TENM2: variants seen among roughly 807,000 people sequenced by gnomAD.
TENM2 encodes the protein teneurin transmembrane protein 2.
In TENM2, 52 loss-of-function variants were observed where a neutral mutation model predicts 245.2. That is an observed-to-expected ratio of 0.21 (90% CI 0.17 to 0.27). The LOEUF (loss-of-function observed/expected upper bound fraction) is 0.27, where lower values mean the gene tolerates loss of function less well. Among genes scored for constraint, TENM2 ranks in the 10% least tolerant of loss-of-function variants. TENM2 has a pLI of 1.00. For synonymous variants in TENM2, 1,363 were observed against 1,438.9 expected (o/e 0.95, Z 1.19); for missense variants, 3,046 against 3,666.8 (o/e 0.83, Z 4.37).
chr5:167,993,091 G>C (rs1334305930), exon 5 of TENM2: 14 of 1,613,936 alleles, frequency 8.7e-6, no homozygotes, highest in Non-Finnish European at 1.2e-5. Context: ...TCAAGCTGAA[G>C]AAGCCCTCCA....
the TENM2 span, among the ~76,000 whole-genome samples, chr5:167,124,352 GT>G: frequency 6.6e-6 from 1 of 152,024 alleles, no homozygotes; most frequent in Non-Finnish European, 1.5e-5. Context: ...TGTTGGTGTT[GT>G]TTTATTTTAT....
the TENM2 span, among the ~76,000 whole-genome samples, chr5:167,189,926 T>C: frequency 6.6e-6 from 1 of 152,156 alleles, no homozygotes; most frequent in East Asian, 1.9e-4. Context: ...TTAGAATTTA[T>C]TGAGGCATAA....
intron 1 of TENM2, among the ~76,000 whole-genome samples, chr5:167,333,491 C>T (rs964518764): frequency 2.6e-5 from 4 of 152,134 alleles, no homozygotes; most frequent in African/African-American, 9.7e-5. Context: ...ATTACCTGAT[C>T]AGTGAGCCAT....
intron 2 of TENM2, among the ~76,000 whole-genome samples, chr5:167,509,698 ACC>A (rs1769798319): frequency 6.6e-6 from 1 of 152,198 alleles, no homozygotes. Flanking sequence ...CTGAGCACTT[ACC>A]ATGTGCCAGG....
At chr5:167,263,604 C>T in the TENM2 span, among the ~76,000 whole-genome samples, 1 of 152,092 alleles carries the variant, frequency 6.6e-6, no homozygotes, top group African/African-American at 2.4e-5. Flanking sequence ...CATTTATTTC[C>T]AATTCCTTAA....
chr5:167,090,796 G>T, the TENM2 span, among the ~76,000 whole-genome samples: 18 of 152,174 alleles, frequency 1.2e-4, no homozygotes, highest in Non-Finnish European at 5.9e-5. Flanking sequence ...TATTTGTGTT[G>T]TAGATTCTGT....
chr5:168,207,904 C>T (rs925037895), intron 19 of TENM2, among the ~76,000 whole-genome samples: 5 of 152,202 alleles, frequency 3.3e-5, no homozygotes, highest in Non-Finnish European at 5.9e-5. Flanking sequence ...AAAGAGCCTT[C>T]TCTTAGGTAA....
In TENM2 at chr5:167,976,724, T is replaced by G. The variant is rs748894958; in HGVS notation, c.948-16220T>G. On this transcript the variant is annotated intron_variant, in intron 4 of 28. Transcript: ENST00000518659. ...ACTCAATTATCAAGTCAGGCAATAT[T>G]TGGGCTTGGTACATAAGTACTGTTT... is the stretch of plus-strand genomic sequence containing the variant. Among the ~76,000 whole-genome samples, 8 of 152,210 alleles carry G rather than the reference T, an allele frequency of 5.3e-5. No individual in the cohort carries two copies. In the South Asian group the frequency reaches 8.3e-4, roughly 16 times the overall value.
At chr5:167,654,896 A>G (rs75698696) in intron 2 of TENM2, among the ~76,000 whole-genome samples, 2,147 of 152,276 alleles carry the variant, frequency 0.014, 51 homozygotes, top group African/African-American at 0.05. Flanking sequence ...CTACTTTTGC[A>G]ATAGAATTCT....
intron 2 of TENM2, among the ~76,000 whole-genome samples, chr5:167,387,586 G>A (rs146309967): frequency 1.6e-4 from 24 of 152,164 alleles, no homozygotes; most frequent in South Asian, 2.1e-4. Flanking sequence ...GGCAATACTT[G>A]TTTTGTTTCA....
the TENM2 span, among the ~76,000 whole-genome samples, chr5:167,099,476 G>A: frequency 8.6e-5 from 13 of 152,012 alleles, no homozygotes; most frequent in Non-Finnish European, 1.8e-4. Flanking sequence ...CGGGCGGATC[G>A]CCTGAGGTTG....
chr5:168,213,292 C>G (rs1021373945), intron 20 of TENM2, among the ~76,000 whole-genome samples: 5 of 152,168 alleles, frequency 3.3e-5, no homozygotes, highest in Admixed American at 6.5e-5. Flanking sequence ...TAATAGCAAC[C>G]TGAAGAGAAA....
chr5:167,039,984 A>G, the TENM2 span, among the ~76,000 whole-genome samples: 1 of 152,164 alleles, frequency 6.6e-6, no homozygotes, highest in Admixed American at 6.5e-5. Context: ...TGTTTCTGGT[A>G]TTTACAATAG....
the TENM2 span, among the ~76,000 whole-genome samples, chr5:167,265,592 G>A: frequency 6.6e-6 from 1 of 152,186 alleles, no homozygotes; most frequent in South Asian, 2.1e-4. Flanking sequence ...CCGAGTGCAG[G>A]ATCATAACCA....
exon 24 of TENM2, chr5:168,226,092 G>A: frequency 1.9e-6 from 3 of 1,612,832 alleles, no homozygotes; most frequent in South Asian, 2.2e-5. Flanking sequence ...CCCCAGCTAT[G>A]ACCACGAAGG....
chr5:167,628,890 G>C (rs1778686987), intron 2 of TENM2, among the ~76,000 whole-genome samples: 1 of 152,068 alleles, frequency 6.6e-6, no homozygotes, highest in Non-Finnish European at 1.5e-5. Flanking sequence ...TTTTAGCTGT[G>C]TATTGCTTGC....
intron 2 of TENM2, among the ~76,000 whole-genome samples, chr5:167,679,468 T>G (rs1756555389): frequency 6.6e-6 from 1 of 152,192 alleles, no homozygotes; most frequent in African/African-American, 2.4e-5. Context: ...TGTACATTAT[T>G]TTTATTCACT....
At chr5:167,010,917 T>A in the TENM2 span, among the ~76,000 whole-genome samples, 50,234 of 152,032 alleles carry the variant, frequency 0.33, 9,736 homozygotes, top group Non-Finnish European at 0.45. Context: ...CAGTACTTTA[T>A]AAATATTACA....
intron 2 of TENM2, among the ~76,000 whole-genome samples, chr5:167,765,121 G>T (rs1762923757): frequency 6.6e-6 from 1 of 152,112 alleles, no homozygotes; most frequent in Admixed American, 6.5e-5. Context: ...AGACCTACAG[G>T]TCTGGGTGTC....
Sources: allele counts gnomAD v4.1 joint callset (sites outside exome capture counted in the v4.1 genomes callset), GRCh38; gene constraint gnomAD v4.1.1; transcripts MANE v1.5; gene names NCBI Gene and HGNC (gene_info 2026-07-23, HGNC 2026-07-21).